Variants in CHST1 observed in about 807,000 individuals in gnomAD.
The protein encoded by CHST1 is Keratan sulfotransferase.
A neutral mutation model predicts 22.5 loss-of-function variants in CHST1; 10 were observed. That is an observed-to-expected ratio of 0.44 (90% CI 0.27 to 0.75). CHST1 has a LOEUF of 0.75. CHST1 is among the 30% of genes least tolerant of loss of function. The probability of loss-of-function intolerance (pLI) is 0.15; values close to 1 mark genes in which losing one functional copy is unlikely to be tolerated. For synonymous variants in CHST1, 267 were observed against 264.5 expected (o/e 1.01, Z -0.09); for missense variants, 439 against 576.1 (o/e 0.76, Z 2.44).
In CHST1 at chr11:45,648,607, C is replaced by T. The variant is rs925962397; in HGVS notation, c.*1081G>A. On this transcript the variant is annotated 3_prime_UTR_variant, in exon 4 of 4. Transcript: ENST00000308064. ...TCGGGAGGCTGAGGCGGGAGAACTG[C>T]TTGAACCTGGGAGGCAGAGGTTGCA... Among the ~76,000 whole-genome samples, 1 of 152,106 alleles carries T rather than the reference C, an allele frequency of 6.6e-6. No homozygotes were observed. Among genetic ancestry groups the T allele is most frequent in the Non-Finnish European group, 1.5e-5 (1 of 68,028 alleles).
chr11:45,655,631 G>C, intron 1 of CHST1, among the ~76,000 whole-genome samples: 1 of 152,334 alleles, frequency 6.6e-6, no homozygotes, highest in East Asian at 1.9e-4. Context: ...TAGCCGCACC[G>C]GGAGAGCCCA....
At chr11:45,660,890 C>G (rs996907958) in intron 1 of CHST1, among the ~76,000 whole-genome samples, 1 of 152,210 alleles carries the variant, frequency 6.6e-6, no homozygotes, top group Non-Finnish European at 1.5e-5. Flanking sequence ...GAGAAGGAGA[C>G]AGCATTCCTG....
intron 1 of CHST1, among the ~76,000 whole-genome samples, chr11:45,658,217 C>T (rs902150534): frequency 2.5e-4 from 38 of 152,196 alleles, no homozygotes; most frequent in African/African-American, 9.2e-4. Context: ...CTCTTAACCT[C>T]TATAGGCCTC....
intron 3 of CHST1, 44 bp from the exon 4 acceptor site, chr11:45,651,009 G>A: frequency 7.1e-7 from 1 of 1,416,912 alleles, no homozygotes; most frequent in Non-Finnish European, 9.4e-7. Context: ...CCACGGCGGG[G>A]GCACTGGCTT....
intron 1 of CHST1, among the ~76,000 whole-genome samples, chr11:45,654,374 C>G (rs868038205): frequency 6.6e-6 from 1 of 152,248 alleles, no homozygotes; most frequent in Non-Finnish European, 1.5e-5. Context: ...AAGGCCCAGC[C>G]ACAGGCCATT....
chr11:45,664,320 AG>A (rs796131768), intron 1 of CHST1, among the ~76,000 whole-genome samples: 15 of 152,148 alleles, frequency 9.9e-5, no homozygotes, highest in African/African-American at 2.9e-4. Flanking sequence ...GGCCCTTCCT[AG>A]GGAGTCCGCT....
intron 1 of CHST1, among the ~76,000 whole-genome samples, chr11:45,659,706 C>T (rs1011338601): frequency 3.3e-5 from 5 of 152,226 alleles, no homozygotes; most frequent in African/African-American, 1.2e-4. Context: ...CACACAGTGA[C>T]TCTGGGTCTG....
rs138221905 is a variant in CHST1, at chr11:45,649,686, G to A, written c.*2C>T. 98 of 1,557,854 alleles carry A rather than the reference G, an allele frequency of 6.3e-5. 1 individual carries two copies. In the African/African-American group the frequency reaches 1.1e-3, roughly 17 times the overall value. On this transcript the variant is annotated 3_prime_UTR_variant, in exon 4 of 4. Coordinates refer to ENST00000308064, the MANE Select transcript of CHST1 (RefSeq NM_003654.6). ...CTCCCGCCCCCACCCGCACCGCCCG[G>A]GTCACGAGAAGGGGCGGAAGTCCCG...
chr11:45,652,902 G>C (rs1852014920), intron 1 of CHST1, among the ~76,000 whole-genome samples: 1 of 152,250 alleles, frequency 6.6e-6, no homozygotes, highest in Admixed American at 6.5e-5. Context: ...CCTCTAAGGA[G>C]ATTTGGCTTC....
rs772587612 is a variant in CHST1 at position 45,650,718 on chromosome 11, G to A, written c.206C>T (p.Thr69Met). ...GCCCACGAAGGAGGAGCCACTGCGC[G>A]TGGTGGCCAGGATGAGGATGTGGGT... ...RKTHILILAT[T>M]RSGSSFVGQL... Residue 69 changes from threonine (T) to methionine (M), a missense_variant, in exon 4 of 4, where the codon ACG becomes ATG. Transcript: ENST00000308064. 2 of 1,614,030 alleles carry A rather than the reference G, an allele frequency of 1.2e-6. No homozygotes were observed. Among genetic ancestry groups the A allele is most frequent in the East Asian group, 2.2e-5 (1 of 44,890 alleles).
At position 45,648,856 on chromosome 11, in the gene CHST1, T is replaced by A. The variant is rs1851950809; in HGVS notation, c.*832A>T. On this transcript the variant is annotated 3_prime_UTR_variant, in exon 4 of 4. Transcript: ENST00000308064. Reference sequence around the variant, plus strand: ...GAGGCCCTCTCGTACCCATTCAGAATGTCCTGCAATCACACACAGAGATTA... The same window carrying A: ...GAGGCCCTCTCGTACCCATTCAGAAAGTCCTGCAATCACACACAGAGATTA... 6.6e-6 allele frequency: 1 copy of A among 152,588 alleles called. No homozygotes were observed. Among genetic ancestry groups the A allele is most frequent in the Non-Finnish European group, 1.5e-5 (1 of 68,046 alleles). 9.5% of individuals were successfully genotyped at this position (152,588 alleles called of 1,614,324 possible). A position where few individuals can be genotyped will look rare whatever the true frequency, so the allele number is the denominator to read the frequency against.
intron 1 of CHST1, among the ~76,000 whole-genome samples, chr11:45,653,181 T>A (rs1372730771): frequency 6.6e-6 from 1 of 152,108 alleles, no homozygotes; most frequent in African/African-American, 2.4e-5. Flanking sequence ...TTCCCAAACC[T>A]GCAGTTCTGC....
rs45596132 is a variant in CHST1, at chr11:45,661,956, G to A, written c.-227+3222C>T. 6.0e-3 allele frequency among the ~76,000 whole-genome samples: 916 copies of A among 152,314 alleles called. 2 individuals carry two copies. The highest frequency in any genetic ancestry group is 0.011 in the Non-Finnish European group (725 of 68,000). On this transcript the variant is annotated intron_variant, in intron 1 of 3. Coordinates refer to ENST00000308064, the MANE Select transcript of CHST1 (RefSeq NM_003654.6). The stretch of plus-strand genomic sequence containing the variant: ...CCCCTCACCCTGCCCCAGCAGGCAG[G>A]ACAATAACAGATCAGCAGCTGCTCA...
rs549175134 is a variant in CHST1 at position 45,647,690 on chromosome 11, G to A, written c.*1998C>T. 1.3e-5 allele frequency among the ~76,000 whole-genome samples: 2 copies of A among 152,158 alleles called. No individual in the cohort carries two copies. The highest frequency in any genetic ancestry group is 6.5e-5 in the Admixed American group (1 of 15,282). On this transcript the variant is annotated 3_prime_UTR_variant, in exon 4 of 4. Transcript: ENST00000308064. Reference sequence around the variant, plus strand: ...AATGAGCAAAATTACAGAGCTGGATGGTGGCACACGTTGTGAATGTATTTA... The same window carrying A: ...AATGAGCAAAATTACAGAGCTGGATAGTGGCACACGTTGTGAATGTATTTA...
chr11:45,655,373 T>A (rs1430365633), intron 1 of CHST1, among the ~76,000 whole-genome samples: 3 of 152,196 alleles, frequency 2.0e-5, no homozygotes, highest in Non-Finnish European at 4.4e-5. Context: ...TTCCTGCAGC[T>A]CCTCTCCCGG....
rs1851943518 is a variant in CHST1, at chr11:45,648,390, A to G, written c.*1298T>C. ...TACCCGGTCTCAACTGACTGAAGGA[A>G]AAAAAAAACGGCTGGGTGAGGTGGC... On this transcript the variant is annotated 3_prime_UTR_variant, in exon 4 of 4. Transcript: ENST00000308064. Among the ~76,000 whole-genome samples, 1 of 151,712 alleles carries G rather than the reference A, an allele frequency of 6.6e-6. No homozygotes were observed. The highest frequency in any genetic ancestry group is 1.5e-5 in the Non-Finnish European group (1 of 67,890).
At position 45,665,320 on chromosome 11, in the gene CHST1, T is replaced by TCGGCCTCCCTCCTCCC. The variant is rs1852186041; in HGVS notation, c.-385_-370dup. 1 of 150,962 alleles carries TCGGCCTCCCTCCTCCC rather than the reference T, an allele frequency of 6.6e-6. No homozygotes were observed. The highest frequency in any genetic ancestry group is 1.5e-5 in the Non-Finnish European group (1 of 67,894). The allele number at this position is 150,962 out of a possible 1,614,324, so 9.4% of individuals were successfully genotyped here. On this transcript the variant is annotated 5_prime_UTR_variant, in exon 1 of 4. Coordinates refer to ENST00000308064, the MANE Select transcript of CHST1 (RefSeq NM_003654.6). This position sits in a 1 kb window ranked among gnomAD's most constrained non-coding sequence, Gnocchi z 4.0. ...TCCTCCGCCTCCCGCGCCCTCCTCCTCGGCCTCCCTCCTCCCTCCTCTTCC... is the reference window on the plus strand; with the variant it reads ...TCCTCCGCCTCCCGCGCCCTCCTCCTCGGCCTCCCTCCTCCCCGGCCTCCCTCCTCCCTCCTCTTCC...
At chr11:45,664,314 C>T (rs1852170208) in intron 1 of CHST1, among the ~76,000 whole-genome samples, 1 of 152,126 alleles carries the variant, frequency 6.6e-6, no homozygotes, top group South Asian at 2.1e-4. Flanking sequence ...AGGAGTGGCC[C>T]TTCCTAGGGA....
chr11:45,663,716 C>T (rs796659929), intron 1 of CHST1, among the ~76,000 whole-genome samples: 1 of 151,902 alleles, frequency 6.6e-6, no homozygotes, highest in South Asian at 2.1e-4. Context: ...GGGCTGCTCA[C>T]CGCCAGGATG....
Sources: allele counts gnomAD v4.1 joint callset (sites outside exome capture counted in the v4.1 genomes callset), GRCh38; gene constraint gnomAD v4.1.1; non-coding constraint Gnocchi (gnomAD v3.1); transcripts MANE v1.5; gene names NCBI Gene and HGNC (gene_info 2026-07-23, HGNC 2026-07-21).